The following CTNND2 variants were observed in gnomAD, a reference collection of about 807,000 sequenced individuals.
The protein encoded by CTNND2 is catenin delta 2.
Under a neutral mutation model 144.4 loss-of-function variants are expected in CTNND2, and 22 were observed. The observed-to-expected ratio is 0.15, with a 90% CI of 0.11 to 0.22. The LOEUF is 0.22. Among genes scored for constraint, CTNND2 ranks in the 10% least tolerant of loss-of-function variants. The pLI, the probability that CTNND2 is intolerant of heterozygous loss-of-function variation, is 1.00. For missense variants in CTNND2, 1,353 were observed against 1,618.8 expected, an observed-to-expected ratio of 0.84 and a Z score of 2.82; for synonymous variants, 751 against 695.6, an observed-to-expected ratio of 1.08 and a Z score of -1.25.
Position 11,159,774 on chromosome 5 carries a change from C to A in CTNND2, c.1976-15G>T, listed in dbSNP as rs1758584772. ...CCAAAGGACTCCTGCAAGAGACACA[C>A]AAAAAGAGGTTTTGGGTGGCCACAA... is the stretch of plus-strand genomic sequence containing the variant. On this transcript the variant is annotated splice_polypyrimidine_tract_variant and intron_variant, in intron 11 of 21. Transcript: ENST00000304623. 1.3e-6 allele frequency: 2 copies of A among 1,544,652 alleles called. No homozygotes were observed. The highest frequency in any genetic ancestry group is 2.0e-5 in the Admixed American group (1 of 49,716).
intron 1 of CTNND2, among the ~76,000 whole-genome samples, chr5:11,742,294 A>G (rs1226473430): frequency 2.6e-5 from 4 of 152,060 alleles, no homozygotes; most frequent in Non-Finnish European, 5.9e-5. Flanking sequence ...TTTATCTTTT[A>G]GTTTAGAGTA....
intron 9 of CTNND2, among the ~76,000 whole-genome samples, chr5:11,331,609 T>A (rs1240592728): frequency 3.3e-5 from 5 of 152,188 alleles, no homozygotes; most frequent in African/African-American, 1.2e-4. Flanking sequence ...TGGAAAAGTT[T>A]TCAGGGTCCA....
chr5:11,817,402 GAGA>G (rs1793019044), intron 1 of CTNND2, among the ~76,000 whole-genome samples: 9 of 45,640 alleles, frequency 2.0e-4, no homozygotes, highest in Non-Finnish European at 2.5e-4. Flanking sequence ...GAGAGAGAGA[GAGA>G]GGAGGGAGAG....
chr5:11,713,104 T>C (rs1357045432), intron 2 of CTNND2, among the ~76,000 whole-genome samples: 1 of 152,194 alleles, frequency 6.6e-6, no homozygotes, highest in Non-Finnish European at 1.5e-5. Flanking sequence ...ATATTGACTA[T>C]GACCAGACAG....
intron 18 of CTNND2, among the ~76,000 whole-genome samples, chr5:11,005,282 C>T (rs1264888008): frequency 1.3e-5 from 2 of 152,190 alleles, no homozygotes; most frequent in African/African-American, 4.8e-5. Flanking sequence ...GCAAAGCGAT[C>T]GCAGGCAGGG....
intron 12 of CTNND2, among the ~76,000 whole-genome samples, chr5:11,121,354 A>C (rs1371127707): frequency 6.6e-6 from 1 of 152,224 alleles, no homozygotes; most frequent in African/African-American, 2.4e-5. Flanking sequence ...ATCATGAGGA[A>C]GGTGACTTCT....
chr5:11,837,775 C>T (rs1202502554), intron 1 of CTNND2, among the ~76,000 whole-genome samples: 2 of 152,142 alleles, frequency 1.3e-5, no homozygotes, highest in African/African-American at 4.8e-5. Flanking sequence ...GGCTCCAAGA[C>T]TCCTGAGTGT....
chr5:11,393,982 T>C (rs574043187), intron 6 of CTNND2, among the ~76,000 whole-genome samples: 1 of 152,276 alleles, frequency 6.6e-6, no homozygotes, highest in African/African-American at 2.4e-5. Context: ...GCATCCTTGC[T>C]GCTCTGTCAG....
At position 11,265,546 on chromosome 5, in the gene CTNND2, T is replaced by G. The variant is rs189565328; in HGVS notation, c.1629-28723A>C. Among the ~76,000 whole-genome samples, 20 of 152,174 alleles carry G rather than the reference T, an allele frequency of 1.3e-4. 1 individual carries two copies. The highest frequency in any genetic ancestry group is 5.9e-4 in the Admixed American group (9 of 15,280). On this transcript the variant is annotated intron_variant, in intron 9 of 21. Transcript: ENST00000304623. ...ATACTCCTGTATTACTCAGTAGCGT[T>G]TTGCTGAATCTTTTATTCCCTTAAT...
chr5:11,599,007 G>A (rs566090249), intron 2 of CTNND2, among the ~76,000 whole-genome samples: 1 of 152,156 alleles, frequency 6.6e-6, no homozygotes, highest in Non-Finnish European at 1.5e-5. Context: ...AGGAGAAAGA[G>A]AGTGAGCAAG....
chr5:11,420,446 A>G (rs1762278439), intron 3 of CTNND2, among the ~76,000 whole-genome samples: 1 of 152,232 alleles, frequency 6.6e-6, no homozygotes, highest in Admixed American at 6.5e-5. Context: ...TTTTTAGTAC[A>G]TAGTTTTGCA....
At chr5:11,673,798 A>C (rs1784027313) in intron 2 of CTNND2, among the ~76,000 whole-genome samples, 1 of 152,258 alleles carries the variant, frequency 6.6e-6, no homozygotes, top group Non-Finnish European at 1.5e-5. Context: ...AAACTGATAA[A>C]TAGCGTTATC....
At chr5:11,363,812 G>T (rs1756692047) in intron 8 of CTNND2, among the ~76,000 whole-genome samples, 1 of 152,136 alleles carries the variant, frequency 6.6e-6, no homozygotes. Flanking sequence ...AGATCTGCGT[G>T]CCAGGTTCTG....
At chr5:11,521,952 A>G (rs976426352) in intron 3 of CTNND2, among the ~76,000 whole-genome samples, 2 of 152,162 alleles carry the variant, frequency 1.3e-5, no homozygotes, top group Admixed American at 6.5e-5. Context: ...ATATTTGAAG[A>G]TCATTGCTGC....
At chr5:11,328,179 TC>T (rs1752728214) in intron 9 of CTNND2, among the ~76,000 whole-genome samples, 1 of 152,192 alleles carries the variant, frequency 6.6e-6, no homozygotes. Flanking sequence ...GAAAAATGAC[TC>T]TTTTTTCCAA....
intron 2 of CTNND2, among the ~76,000 whole-genome samples, chr5:11,589,316 A>ACACATACG: frequency 9.2e-6 from 1 of 108,906 alleles, no homozygotes; most frequent in South Asian, 3.3e-4. Context: ...CACACACGAC[A>ACACATACG]ACAACAACAA....
chr5:11,277,270 C>G (rs928039621), intron 9 of CTNND2, among the ~76,000 whole-genome samples: 3 of 151,880 alleles, frequency 2.0e-5, no homozygotes, highest in African/African-American at 7.3e-5. Context: ...TTTTGAAACT[C>G]TCCCTTTTAC....
At chr5:11,460,117 C>G (rs183162972) in intron 3 of CTNND2, among the ~76,000 whole-genome samples, 1 of 152,298 alleles carries the variant, frequency 6.6e-6, no homozygotes, top group East Asian at 1.9e-4. Flanking sequence ...GTCTTCAATA[C>G]ATGATGCCCG....
In CTNND2 at chr5:11,903,999, G is replaced by GCTCGCCCCTGCCGCCCGCCA; in HGVS notation, c.-147_-146insTGGCGGGCGGCAGGGGCGAG. On this transcript the variant is annotated 5_prime_UTR_variant, in exon 1 of 22. Coordinates refer to ENST00000304623, the MANE Select transcript of CTNND2 (RefSeq NM_001332.4). The surrounding 1 kb of genome is among the most constrained non-coding windows in gnomAD (Gnocchi z 5.4). Reference sequence around the variant, plus strand: ...CGGCCGCGGGACAAGGGATGCTGGCGGGCGGCAGGGGCGAGCGCCGCGGGC... The same window carrying GCTCGCCCCTGCCGCCCGCCA: ...CGGCCGCGGGACAAGGGATGCTGGCGCTCGCCCCTGCCGCCCGCCAGGCGGCAGGGGCGAGCGCCGCGGGC... The GCTCGCCCCTGCCGCCCGCCA allele has an allele frequency of 1.1e-6, 1 of 918,064 alleles. No individual in the cohort carries two copies. Among genetic ancestry groups the GCTCGCCCCTGCCGCCCGCCA allele is most frequent in the Non-Finnish European group, 1.4e-6 (1 of 707,024 alleles). 56.9% of individuals were successfully genotyped at this position (918,064 alleles called of 1,614,324 possible).
Sources: gnomAD v4.1 joint callset for allele counts (sites outside exome capture counted in the v4.1 genomes callset) on GRCh38, gnomAD v4.1.1 for gene constraint, Gnocchi (gnomAD v3.1) non-coding constraint, MANE v1.5 for transcripts, NCBI Gene and HGNC (gene_info 2026-07-23, HGNC 2026-07-21) for gene names.